The following KIAA0319 variants were observed in gnomAD, a reference collection of about 807,000 sequenced individuals.
KIAA0319 encodes dyslexia-associated protein KIAA0319.
A neutral mutation model predicts 108.4 loss-of-function variants in KIAA0319; 83 were observed. The ratio of observed to expected loss-of-function variants is 0.77; its 90% confidence interval spans 0.64 to 0.92. The LOEUF (loss-of-function observed/expected upper bound fraction) is 0.92. Among genes scored for constraint, KIAA0319 ranks in the 40% least tolerant of loss-of-function variants. KIAA0319 has a pLI of 0.00. For missense variants in KIAA0319, 1,195 were observed against 1,322.4 expected (o/e 0.90, Z 1.49); for synonymous variants, 484 against 510.4 (o/e 0.95, Z 0.70).
Position 24,646,000 on chromosome 6 carries a change from C to A in KIAA0319, c.-370G>T, listed in dbSNP as rs998694149. The stretch of plus-strand genomic sequence containing the variant: ...CCCAGAGGAGCGAATCTGGACCAAG[C>A]CCAAGACAGGCTGAAGCTACTGCTG... On this transcript the variant is annotated 5_prime_UTR_variant, in exon 1 of 21. Transcript: ENST00000378214. 6.6e-6 allele frequency: 1 copy of A among 152,470 alleles called. No homozygotes were observed. Among genetic ancestry groups the A allele is most frequent in the Non-Finnish European group, 1.5e-5 (1 of 68,276 alleles). The allele number at this position is 152,470 out of a possible 1,614,324, so 9.4% of individuals were successfully genotyped here.
In KIAA0319 at chr6:24,546,385, T is replaced by C. The variant is rs748742888; in HGVS notation, c.*780A>G. On this transcript the variant is annotated 3_prime_UTR_variant, in exon 21 of 21. Transcript: ENST00000378214. ...ATGTAAACTGGGGATCCGTTTACAT[T>C]AGAGAACTATACTGCTAAACAACAC... The C allele has an allele frequency of 1.3e-5, 2 of 152,128 alleles. No individual in the cohort carries two copies. The highest frequency in any genetic ancestry group is 4.8e-5 in the African/African-American group (2 of 41,406). 9.4% of individuals were successfully genotyped at this position (152,128 alleles called of 1,614,324 possible).
intron 2 of KIAA0319, among the ~76,000 whole-genome samples, chr6:24,597,022 T>G (rs1421153856): frequency 2.6e-5 from 4 of 151,970 alleles, no homozygotes; most frequent in Admixed American, 2.6e-4. Flanking sequence ...TTTCCACTCA[T>G]CCATCCATCA....
At chr6:24,569,134 A>G (rs767093960) in intron 12 of KIAA0319, among the ~76,000 whole-genome samples, 3 of 152,200 alleles carry the variant, frequency 2.0e-5, no homozygotes, top group Non-Finnish European at 4.4e-5. Context: ...AGTCTGCTGG[A>G]TTACTGGGAA....
At position 24,556,695 on chromosome 6, in the gene KIAA0319, G is replaced by A. The variant is rs538198671; in HGVS notation, c.2769C>T (p.Cys923=). ...AAATGCAGCGCTTTGTGAGGGGGTC[G>A]CAGTGACCATGGCCAGAACACTTCA... ...CLLKCSGHGH[C]DPLTKRCICS... is the part of the protein sequence containing the mutation. Residue 923 remains cysteine, a synonymous_variant, in exon 18 of 21, where the codon TGC becomes TGT. Coordinates refer to ENST00000378214, the MANE Select transcript of KIAA0319 (RefSeq NM_014809.4). The A allele has an allele frequency of 8.9e-5, 144 of 1,613,822 alleles. No individual in the cohort carries two copies. Among genetic ancestry groups the A allele is most frequent in the Non-Finnish European group, 1.2e-4 (137 of 1,179,920 alleles).
At position 24,583,653 on chromosome 6, in the gene KIAA0319, G is replaced by C. The variant is rs200254558; in HGVS notation, c.1044C>G (p.Pro348=). The C allele has an allele frequency of 6.2e-7, 1 of 1,613,774 alleles. No homozygotes were observed. Among genetic ancestry groups the C allele is most frequent in the Non-Finnish European group, 8.5e-7 (1 of 1,179,820 alleles). The change falls in exon 5 of 21, where the codon CCC becomes CCG. Residue 348 remains proline, a synonymous_variant. Coordinates refer to ENST00000378214, the MANE Select transcript of KIAA0319 (RefSeq NM_014809.4). ...AGGCCTTCAGTTCAACTTCATTGTC[G>C]GGTAAAGTTATAATTAGGTTATCTC... ...SAGDNLIITL[P]DNEVELKAFV... is the part of the protein sequence containing the mutation.
intron 1 of KIAA0319, among the ~76,000 whole-genome samples, chr6:24,611,236 A>C (rs1157563063): frequency 1.3e-5 from 2 of 151,450 alleles, no homozygotes; most frequent in African/African-American, 4.9e-5. Flanking sequence ...TCACGCCTGT[A>C]ATCCCAGCAC....
At chr6:24,581,103 C>T (rs1360494048) in intron 6 of KIAA0319, 90 bp from the exon 7 acceptor site, 4 of 791,384 alleles carry the variant, frequency 5.1e-6, no homozygotes, top group Non-Finnish European at 6.5e-6. Context: ...AGAAGCCGCA[C>T]TCCTAAAGTC....
In KIAA0319 at chr6:24,578,154, G is replaced by T; in HGVS notation, c.1461C>A (p.Pro487=). 2 of 1,613,264 alleles carry T rather than the reference G, an allele frequency of 1.2e-6. No individual in the cohort carries two copies. The highest frequency in any genetic ancestry group is 1.7e-6 in the Non-Finnish European group (2 of 1,179,508). Residue 487 remains proline, a synonymous_variant, in exon 9 of 21, where the codon CCC becomes CCA. Transcript: ENST00000378214. The part of the protein sequence containing the change: ...FIEEKTSVDS[P]VLRLSNLDPG... ...GATCAAGGTTAGACAAGCGTAAGAC[G>T]GGAGAGTCAACTGAAGTCTTCTCTT...
intron 14 of KIAA0319, 38 bp downstream of exon 14, chr6:24,566,559 G>C: frequency 6.4e-7 from 1 of 1,559,226 alleles, no homozygotes; most frequent in Non-Finnish European, 8.7e-7. Context: ...CAGATGTAAT[G>C]ATAAGTGGTC....
intron 1 of KIAA0319, among the ~76,000 whole-genome samples, chr6:24,611,222 T>C (rs1772266588): frequency 1.3e-5 from 2 of 151,824 alleles, no homozygotes; most frequent in Admixed American, 6.6e-5. Context: ...CCAGGGGCAG[T>C]GGCTCACGCC....
At chr6:24,589,043 A>T (rs1768016969) in intron 3 of KIAA0319, among the ~76,000 whole-genome samples, 1 of 152,180 alleles carries the variant, frequency 6.6e-6, no homozygotes, top group South Asian at 2.1e-4. Flanking sequence ...ATGAGAAAGT[A>T]ATTATAGTAG....
intron 1 of KIAA0319, among the ~76,000 whole-genome samples, chr6:24,638,291 A>G (rs1014595850): frequency 2.6e-5 from 4 of 152,236 alleles, no homozygotes; most frequent in Non-Finnish European, 2.9e-5. Flanking sequence ...ATTAGAAATA[A>G]AGCTATTGAA....
chr6:24,602,643 AC>A (rs1770808752), intron 1 of KIAA0319, among the ~76,000 whole-genome samples: 3 of 152,170 alleles, frequency 2.0e-5, no homozygotes, highest in Admixed American at 2.0e-4. Flanking sequence ...TACTAAAAAT[AC>A]AAAAAAATTA....
chr6:24,630,683 G>GTA (rs563881076), intron 1 of KIAA0319, among the ~76,000 whole-genome samples: 2,554 of 100,618 alleles, frequency 0.025, 61 homozygotes, highest in African/African-American at 0.062. Context: ...GTGTATATGT[G>GTA]TATATATATA....
intron 1 of KIAA0319, among the ~76,000 whole-genome samples, chr6:24,605,583 G>A (rs562688837): frequency 1.3e-5 from 2 of 152,154 alleles, no homozygotes; most frequent in Non-Finnish European, 2.9e-5. Flanking sequence ...AAGTTTAATC[G>A]AGTGACAAAA....
At chr6:24,607,704 C>G (rs972411647) in intron 1 of KIAA0319, among the ~76,000 whole-genome samples, 11 of 152,138 alleles carry the variant, frequency 7.2e-5, no homozygotes, top group African/African-American at 2.7e-4. Context: ...AGGAAAGCGA[C>G]TAATTTAAAA....
rs200255814 is a variant in KIAA0319, at chr6:24,576,935, C to CAA, written c.1506-341_1506-340dup. On this transcript the variant is annotated intron_variant, in intron 9 of 20. Transcript: ENST00000378214. ...GCAACAGACTGTCACAAAAAACAACCAAAAAAAAAAGAAAAAAAGTAGACA... is the reference window on the plus strand; with the variant it reads ...GCAACAGACTGTCACAAAAAACAACCAAAAAAAAAAAAGAAAAAAAGTAGACA... Among the ~76,000 whole-genome samples the CAA allele has an allele frequency of 8.0e-4, 109 of 136,960 alleles. 4 individuals are homozygous for CAA. In the South Asian group the frequency reaches 0.021, roughly 27 times the overall value. 89.9% of individuals were successfully genotyped at this position (136,960 alleles called of 152,430 possible). A position where few individuals can be genotyped will look rare whatever the true frequency, so the allele number is the denominator to read the frequency against.
chr6:24,629,119 G>A (rs891301603), intron 1 of KIAA0319, among the ~76,000 whole-genome samples: 1 of 152,082 alleles, frequency 6.6e-6, no homozygotes, highest in African/African-American at 2.4e-5. Context: ...TAAGTTTAAG[G>A]TGAAAAACGC....
chr6:24,571,944 G>C (rs549881737), intron 11 of KIAA0319, among the ~76,000 whole-genome samples: 1 of 152,372 alleles, frequency 6.6e-6, no homozygotes, highest in Non-Finnish European at 1.5e-5. Flanking sequence ...AGCCCTGCAA[G>C]GGCAGAGATC....
Sources: gnomAD v4.1 joint callset for allele counts (sites outside exome capture counted in the v4.1 genomes callset) on GRCh38, gnomAD v4.1.1 for gene constraint, MANE v1.5 for transcripts, NCBI Gene and HGNC (gene_info 2026-07-23, HGNC 2026-07-21) for gene names.